The following TMEM43 variants were observed in gnomAD, a reference collection of about 807,000 sequenced individuals.
The protein encoded by TMEM43 is arrhythmogenic right ventricular dysplasia 5.
TMEM43 carries 45 observed loss-of-function variants against 49.6 expected under a neutral mutation model. The ratio of observed to expected loss-of-function variants is 0.91; its 90% CI spans 0.71 to 1.16. The LOEUF (loss-of-function observed/expected upper bound fraction) is 1.16. Among genes scored for constraint, TMEM43 ranks in the 50% most tolerant of loss-of-function variants. The pLI is 0.00. For missense variants in TMEM43, 532 were observed against 516.6 expected, an observed-to-expected ratio of 1.03 and a Z score of -0.29; for synonymous variants, 199 against 207.8, an observed-to-expected ratio of 0.96 and a Z score of 0.36.
chr3:14,129,123 C>T (rs757721504), intron 1 of TMEM43: 3 of 402,322 alleles, frequency 7.5e-6, no homozygotes, highest in Middle Eastern at 3.9e-4. Flanking sequence ...CCCATCCCCA[C>T]CAGTTACCTC....
At chr3:14,131,373 G>A (rs1559360688) in intron 3 of TMEM43, among the ~76,000 whole-genome samples, 1 of 152,244 alleles carries the variant, frequency 6.6e-6, no homozygotes, top group Admixed American at 6.5e-5. Context: ...GGCCTGTACT[G>A]TGAGGGTCAC....
intron 6 of TMEM43, 96 bp downstream of exon 6, chr3:14,133,031 C>A: frequency 9.1e-7 from 1 of 1,098,884 alleles, no homozygotes; most frequent in Non-Finnish European, 1.4e-6. Flanking sequence ...TGAGTTAATC[C>A]TGCCTCGTGG....
chr3:14,139,204 A>G lies in TMEM43; in HGVS notation c.907A>G (p.Ser303Gly), dbSNP rs1483697659. ...GGAGGTGTTTCATAGAGAACTAAGG[A>G]GCAACTCCATGAAGACCTGGGGCCT... ...AEEVFHRELRSNSMKTWGLRA... is the reference protein window; with the variant it reads ...AEEVFHRELRGNSMKTWGLRA... Residue 303 changes from serine (S) to glycine (G), a missense_variant, in exon 11 of 12, where the codon AGC (serine) becomes GGC (glycine). Transcript: ENST00000306077. 6.2e-7 allele frequency: 1 copy of G among 1,614,038 alleles called. No homozygotes were observed. Among genetic ancestry groups the G allele is most frequent in the Admixed American group, 1.7e-5 (1 of 60,018 alleles).
At chr3:14,140,292 A>C (rs1310581248) in intron 11 of TMEM43, among the ~76,000 whole-genome samples, 1 of 151,984 alleles carries the variant, frequency 6.6e-6, no homozygotes, top group Non-Finnish European at 1.5e-5. Context: ...GACCCTGGGG[A>C]GACCAGTTCC....
chr3:14,130,970 G>T lies in TMEM43; in HGVS notation c.297+14G>T, dbSNP rs1695088030. The T allele has an allele frequency of 6.2e-7, 1 of 1,606,044 alleles. No homozygotes were observed. Among genetic ancestry groups the T allele is most frequent in the Non-Finnish European group, 8.5e-7 (1 of 1,174,078 alleles). On this transcript the variant is annotated intron_variant, in intron 3 of 11. Coordinates refer to ENST00000306077, the MANE Select transcript of TMEM43 (RefSeq NM_024334.3). ...CGGACATCCAAGGTAGGTTTGGCAG[G>T]GGATGCTGACCTGCCAGTGGCTCGG...
chr3:14,141,644 T>A lies in TMEM43; in HGVS notation c.1052T>A (p.Phe351Tyr), dbSNP rs1377117160. The A allele has an allele frequency of 6.2e-7, 1 of 1,614,190 alleles. No individual in the cohort carries two copies. The highest frequency in any genetic ancestry group is 8.5e-7 in the Non-Finnish European group (1 of 1,180,032). The change falls in exon 12 of 12, where the codon TTT becomes TAT. Residue 351 changes from phenylalanine (F) to tyrosine (Y), a missense_variant. Coordinates refer to ENST00000306077, the MANE Select transcript of TMEM43 (RefSeq NM_024334.3). ...CTGGTCAACATTGGCCTGAAAGCCT[T>A]TGCCTTCTGTGTGGCCACCTCGCTG... is the stretch of plus-strand genomic sequence containing the variant. ...RDLVNIGLKA[F>Y]AFCVATSLTL... is the part of the protein sequence containing the mutation.
chr3:14,130,415 C>T (rs1451349265), intron 2 of TMEM43, among the ~76,000 whole-genome samples: 5 of 152,014 alleles, frequency 3.3e-5, no homozygotes, highest in East Asian at 1.9e-4. Flanking sequence ...GAGGCAGGAT[C>T]GCTTGAGGTC....
chr3:14,133,710 C>T (rs1440224194), intron 6 of TMEM43, 29 bp from the exon 7 acceptor site: 1 of 1,609,994 alleles, frequency 6.2e-7, no homozygotes, highest in Non-Finnish European at 8.5e-7. Flanking sequence ...CACCGGTGCC[C>T]ATCTCTGACA....
intron 7 of TMEM43, 34 bp downstream of exon 7, chr3:14,133,843 C>T (rs1371475519): frequency 6.2e-7 from 1 of 1,603,244 alleles, no homozygotes; most frequent in East Asian, 2.2e-5. Context: ...GAGCTCGTGC[C>T]AGAAGCACAA....
intron 7 of TMEM43, 127 bp downstream of exon 7, chr3:14,133,936 A>C: frequency 2.2e-6 from 2 of 918,466 alleles, no homozygotes; most frequent in Non-Finnish European, 3.6e-6. Context: ...TCCCAGCACC[A>C]TGCTTTGGGG....
chr3:14,131,019 C>T, intron 3 of TMEM43, 63 bp downstream of exon 3: 1 of 1,567,048 alleles, frequency 6.4e-7, no homozygotes, highest in Admixed American at 1.8e-5. Context: ...TGTTGTCTGG[C>T]TGAGGATTTG....
In TMEM43 at chr3:14,130,932, C is replaced by T. The variant is rs764733979; in HGVS notation, c.273C>T (p.Ile91=). 6.2e-7 allele frequency: 1 copy of T among 1,612,646 alleles called. No individual in the cohort carries two copies. The change falls in exon 3 of 12, where the codon ATC becomes ATT. Residue 91 remains isoleucine (I), a synonymous_variant. Transcript: ENST00000306077. ...APENEGRLVH[I]IGALRTSKLL... ...AGAATGAAGGAAGGCTGGTGCACAT[C>T]ATTGGCGCCTTACGGACATCCAAGG... is the stretch of plus-strand genomic sequence containing the variant.
At chr3:14,131,794 T>C in intron 4 of TMEM43, 120 bp downstream of exon 4, 1 of 787,084 alleles carries the variant, frequency 1.3e-6, no homozygotes, top group Non-Finnish European at 2.2e-6. Context: ...CATCTTCCTA[T>C]CAGAAAAGTG....
chr3:14,136,441 G>GTA (rs1220779161), intron 10 of TMEM43, among the ~76,000 whole-genome samples: 1 of 152,212 alleles, frequency 6.6e-6, no homozygotes, highest in Non-Finnish European at 1.5e-5. Flanking sequence ...AAACTCGTAA[G>GTA]TACTGATGCA....
rs371019231 is a variant in TMEM43 at position 14,134,870 on chromosome 3, C to T, written c.684C>T (p.Ser228=). The T allele has an allele frequency of 2.1e-5, 34 of 1,614,054 alleles. No homozygotes were observed. Among genetic ancestry groups the T allele is most frequent in the Non-Finnish European group, 1.9e-5 (23 of 1,180,034 alleles). The change falls in exon 8 of 12, where the codon AGC becomes AGT. Residue 228 remains serine (S), a synonymous_variant. Coordinates refer to ENST00000306077, the MANE Select transcript of TMEM43 (RefSeq NM_024334.3). ...GCCGTGGAGACTTTTTCTACCACAG[C>T]GAAAATCCCAAGTATCCAGAGGTGT... ...IIRRGDFFYH[S]ENPKYPEVGD...
At chr3:14,130,735 C>T in intron 2 of TMEM43, 87 bp from the exon 3 acceptor site, 1 of 1,515,236 alleles carries the variant, frequency 6.6e-7, no homozygotes. Flanking sequence ...TCCCGGAGGC[C>T]CCATCCTACC....
In TMEM43 at chr3:14,141,723, C is replaced by T; in HGVS notation, c.1131C>T (p.Leu377=). Residue 377 remains leucine (L), a synonymous_variant, in exon 12 of 12, where the codon CTC becomes CTT. Transcript: ENST00000306077. ...TCTTCTACCGACCCCTGTGGGCCCT[C>T]CTCATTGCCGGCCTGGCCCTTGTGC... is the stretch of plus-strand genomic sequence containing the variant. ...GWLFYRPLWA[L]LIAGLALVPI... The T allele has an allele frequency of 6.2e-7, 1 of 1,614,220 alleles. No individual in the cohort carries two copies. Among genetic ancestry groups the T allele is most frequent in the Non-Finnish European group, 8.5e-7 (1 of 1,180,052 alleles).
intron 10 of TMEM43, among the ~76,000 whole-genome samples, chr3:14,136,156 A>G (rs1695167176): frequency 6.6e-6 from 1 of 152,238 alleles, no homozygotes; most frequent in Non-Finnish European, 1.5e-5. Context: ...AACCAAGTCT[A>G]AACACAGAAT....
At position 14,139,249 on chromosome 3, in the gene TMEM43, G is replaced by C. The variant is rs1305663129; in HGVS notation, c.952G>C (p.Ala318Pro). 1 of 1,614,180 alleles carries C rather than the reference G, an allele frequency of 6.2e-7. No homozygotes were observed. The highest frequency in any genetic ancestry group is 8.5e-7 in the Non-Finnish European group (1 of 1,180,002). The change falls in exon 11 of 12, where the codon GCC becomes CCC. Residue 318 changes from alanine to proline, a missense_variant. Physicochemically the swap from Ala to Pro is conservative, Grantham distance 27 (BLOSUM62 -1). Transcript: ENST00000306077. ...GGGCCTGCGGGCAGCTGGCTGGATG[G>C]CCATGTTCATGGGCCTCAACCTTAT... The part of the protein sequence containing the change: ...TWGLRAAGWM[A>P]MFMGLNLMTR...
Sources: allele counts gnomAD v4.1 joint callset (sites outside exome capture counted in the v4.1 genomes callset), GRCh38; gene constraint gnomAD v4.1.1; transcripts MANE v1.5; gene names NCBI Gene and HGNC (gene_info 2026-07-23, HGNC 2026-07-21).